CHRNB4: variants seen among roughly 807,000 people sequenced by gnomAD.
The protein encoded by CHRNB4 is cholinergic receptor nicotinic beta 4 subunit.
Under a neutral mutation model 40.4 loss-of-function variants are expected in CHRNB4, and 23 were observed. That is an observed-to-expected ratio of 0.57 (90% confidence interval 0.41 to 0.81). CHRNB4 has a LOEUF of 0.81. CHRNB4 is among the 30% of genes least tolerant of loss of function. CHRNB4 has a pLI of 0.00. For missense variants in CHRNB4, 568 were observed against 670.6 expected, an observed-to-expected ratio of 0.85 and a Z score of 1.69; for synonymous variants, 285 against 274.4, an observed-to-expected ratio of 1.04 and a Z score of -0.38.
intron 5 of CHRNB4, chr15:78,627,501 G>C (rs2053684392): frequency 6.6e-6 from 1 of 152,186 alleles, no homozygotes; most frequent in Non-Finnish European, 1.5e-5. Context: ...TTCTCTGTGG[G>C]CTAACTAATG....
chr15:78,648,753 CAAAAAA>C (rs35846146), intron 7 of CHRNB4, among the ~76,000 whole-genome samples: 2 of 79,992 alleles, frequency 2.5e-5, no homozygotes, highest in African/African-American at 7.8e-5. Flanking sequence ...GACTCTGTCT[CAAAAAA>C]AAAAAAAAAA....
chr15:78,649,461 A>G (rs961887359), intron 6 of CHRNB4: 3 of 447,796 alleles, frequency 6.7e-6, no homozygotes, highest in South Asian at 1.6e-5. Flanking sequence ...GGTTTTTATA[A>G]CATTAAAGCA....
intron 4 of CHRNB4, chr15:78,630,808 TG>T (rs1007692815): frequency 2.2e-6 from 1 of 447,850 alleles, no homozygotes; most frequent in Non-Finnish European, 4.1e-6. Flanking sequence ...GAAAGGGTGC[TG>T]GGTTCAAGGT....
At chr15:78,641,024 A>G in intron 1 of CHRNB4, 55 bp downstream of exon 1, 1 of 1,474,936 alleles carries the variant, frequency 6.8e-7, no homozygotes, top group Non-Finnish European at 9.2e-7. Context: ...TGGCCAGTCC[A>G]GCCCCTTTCA....
In CHRNB4 at chr15:78,629,665, G is replaced by T; in HGVS notation, c.640C>A (p.Pro214Thr). ...VALPGRRTVN[P>T]QDPSYVDVTY... Reference sequence around the variant, plus strand: ...ACGTCCACGTAGCTGGGGTCTTGTGGGTTCACTGTCCTTCTCCCTGGGAGG... The same window carrying T: ...ACGTCCACGTAGCTGGGGTCTTGTGTGTTCACTGTCCTTCTCCCTGGGAGG... The change falls in exon 5 of 6, where the codon CCA becomes ACA. Residue 214 changes from proline to threonine, a missense_variant. This residue lies in a region of CHRNB4 where 127 missense variants were observed against 167.4 expected (regional missense o/e 0.76). Coordinates refer to ENST00000261751, the MANE Select transcript of CHRNB4 (RefSeq NM_000750.5). This position sits in a 1 kb window ranked among gnomAD's most constrained non-coding sequence, Gnocchi z 6.8. 6.2e-7 allele frequency: 1 copy of T among 1,614,104 alleles called. No homozygotes were observed. Among genetic ancestry groups the T allele is most frequent in the Non-Finnish European group, 8.5e-7 (1 of 1,180,006 alleles).
chr15:78,654,265 G>A (rs1483397653), intron 5 of CHRNB4, among the ~76,000 whole-genome samples: 4 of 152,208 alleles, frequency 2.6e-5, no homozygotes, highest in African/African-American at 9.7e-5. Context: ...GGTGCTCCAC[G>A]TAAGGGCAGA....
chr15:78,653,683 A>G (rs1266473584), intron 5 of CHRNB4, among the ~76,000 whole-genome samples: 1 of 152,188 alleles, frequency 6.6e-6, no homozygotes, highest in Non-Finnish European at 1.5e-5. Flanking sequence ...TTTTCCTGGC[A>G]AGCCCCCAAA....
chr15:78,647,666 G>GA (rs1468030126), intron 7 of CHRNB4, among the ~76,000 whole-genome samples: 1 of 128,440 alleles, frequency 7.8e-6, no homozygotes, highest in Non-Finnish European at 1.6e-5. Flanking sequence ...CTAACATGGT[G>GA]AAACCCCGTC....
At chr15:78,653,006 T>A (rs2054185994) in intron 5 of CHRNB4, among the ~76,000 whole-genome samples, 1 of 152,176 alleles carries the variant, frequency 6.6e-6, no homozygotes, top group Non-Finnish European at 1.5e-5. Flanking sequence ...GCTTTTTCCA[T>A]CTATAAAAAG....
chr15:78,643,181 G>C (rs2054096417), upstream of CHRNB4, among the ~76,000 whole-genome samples: 1 of 152,070 alleles, frequency 6.6e-6, no homozygotes. Context: ...CACAAACAAT[G>C]CATCATGATG....
In CHRNB4 at chr15:78,629,112, T is replaced by C; in HGVS notation, c.1193A>G (p.Lys398Arg). 1 of 1,614,148 alleles carries C rather than the reference T, an allele frequency of 6.2e-7. No homozygotes were observed. The highest frequency in any genetic ancestry group is 8.5e-7 in the Non-Finnish European group (1 of 1,180,016). ...YFVNPASAAS[K>R]SPAGSTPVAI... ...CACCGGGGTAGAGCCGGCTGGAGACTTGGAAGCTGCAGAGGCGGGGTTCAC... is the reference window on the plus strand; with the variant it reads ...CACCGGGGTAGAGCCGGCTGGAGACCTGGAAGCTGCAGAGGCGGGGTTCAC... The change falls in exon 5 of 6, where the codon AAG (lysine) becomes AGG (arginine). Residue 398 changes from lysine (K) to arginine (R), a missense_variant. Lys to Arg is a conservative substitution (Grantham distance 26, BLOSUM62 2). Transcript: ENST00000261751. The surrounding 1 kb of genome is among the most constrained non-coding windows in gnomAD (Gnocchi z 6.8).
At chr15:78,633,429 A>T (rs1003179270) in intron 2 of CHRNB4, among the ~76,000 whole-genome samples, 11 of 152,308 alleles carry the variant, frequency 7.2e-5, no homozygotes, top group African/African-American at 2.6e-4. Context: ...TGTGGCCCTC[A>T]TAAGAATGGA....
chr15:78,637,116 G>A (rs551387912), intron 1 of CHRNB4, among the ~76,000 whole-genome samples: 1 of 152,306 alleles, frequency 6.6e-6, no homozygotes, highest in African/African-American at 2.4e-5. Context: ...TCGAGGAGAG[G>A]TCTTAGCTCA....
Position 78,640,852 on chromosome 15 carries a change from C to T in CHRNB4, c.55+227G>A, listed in dbSNP as rs771067814. Among the ~76,000 whole-genome samples the T allele has an allele frequency of 7.0e-4, 107 of 152,286 alleles. 1 individual carries two copies. Among genetic ancestry groups the T allele is most frequent in the African/African-American group, 2.4e-3 (100 of 41,574 alleles). ...GTGGCCCTGGCCCTGGCAGCGGCTCCGAGAAGAGGCGGCCCCCACTCCAAA... is the reference window on the plus strand; with the variant it reads ...GTGGCCCTGGCCCTGGCAGCGGCTCTGAGAAGAGGCGGCCCCCACTCCAAA... On this transcript the variant is annotated intron_variant, in intron 1 of 5. Transcript: ENST00000261751.
rs1330709789 is a variant in CHRNB4 at position 78,625,222 on chromosome 15, A to G, written c.1408T>C (p.Cys470Arg). Residue 470 changes from cysteine to arginine, a missense_variant, in exon 6 of 6, where the codon TGC becomes CGC. Physicochemically the swap from Cys to Arg is radical, Grantham distance 180. This residue lies in a region of CHRNB4 where 242 missense variants were observed against 274.9 expected (regional missense o/e 0.88). Coordinates refer to ENST00000261751, the MANE Select transcript of CHRNB4 (RefSeq NM_000750.5). ...AAGAGCCCCACAGTGCCCAGGACGC[A>G]CACAAACATGAACACCCACAGGAAC... is the stretch of plus-strand genomic sequence containing the variant. ...RLFLWVFMFV[C>R]VLGTVGLFLP... 1 of 1,594,102 alleles carries G rather than the reference A, an allele frequency of 6.3e-7. No homozygotes were observed. The highest frequency in any genetic ancestry group is 2.2e-5 in the East Asian group (1 of 44,640).
intron 1 of CHRNB4, among the ~76,000 whole-genome samples, chr15:78,637,271 G>C (rs1163109057): frequency 3.9e-5 from 6 of 152,140 alleles, no homozygotes; most frequent in Non-Finnish European, 7.3e-5. Context: ...TCACCTGTCT[G>C]GGAGTAAAGG....
intron 1 of CHRNB4, among the ~76,000 whole-genome samples, chr15:78,636,397 C>T (rs1249174307): frequency 2.6e-5 from 4 of 152,108 alleles, no homozygotes; most frequent in African/African-American, 9.7e-5. Context: ...CCTTCCCTAC[C>T]CACAACTCTC....
At chr15:78,659,094 T>C (rs139179305) in intron 1 of CHRNB4, among the ~76,000 whole-genome samples, 1 of 152,310 alleles carries the variant, frequency 6.6e-6, no homozygotes, top group Non-Finnish European at 1.5e-5. Flanking sequence ...TCCCTCATTC[T>C]ATGGGTGGTG....
intron 5 of CHRNB4, chr15:78,655,444 A>T (rs571998758): frequency 1.5e-5 from 2 of 129,520 alleles, no homozygotes; most frequent in African/African-American, 5.1e-5. Context: ...ATATATATCT[A>T]TATCTATATA....
Sources: allele counts gnomAD v4.1 joint callset (sites outside exome capture counted in the v4.1 genomes callset), GRCh38; gene constraint gnomAD v4.1.1; regional missense constraint gnomAD v4.1.1; non-coding constraint Gnocchi (gnomAD v3.1); transcripts MANE v1.5; gene names NCBI Gene and HGNC (gene_info 2026-07-23, HGNC 2026-07-21).